Variants in ARID4B observed in about 807,000 individuals in gnomAD.
The protein encoded by ARID4B is AT-rich interactive domain-containing protein 4B.
In ARID4B, 26 loss-of-function variants were observed where a neutral mutation model predicts 147.5. The ratio of observed to expected loss-of-function variants is 0.18; its 90% CI spans 0.13 to 0.24. ARID4B has a LOEUF of 0.24. Among genes scored for constraint, ARID4B ranks in the 10% least tolerant of loss-of-function variants. The pLI is 1.00. For missense variants in ARID4B, 1,179 were observed against 1,511.5 expected (o/e 0.78, Z 3.65); for synonymous variants, 512 against 507.9 (o/e 1.01, Z -0.11).
chr1:235,193,872 G>C (rs546610035), intron 19 of ARID4B, 141 bp downstream of exon 19: 12 of 555,324 alleles, frequency 2.2e-5, no homozygotes. Context: ...TCAGTTAAGA[G>C]ATATTCAACC....
At chr1:235,217,428 A>ACATGCACTCATATACATG (rs1667166485) in intron 16 of ARID4B, among the ~76,000 whole-genome samples, 1 of 149,398 alleles carries the variant, frequency 6.7e-6, no homozygotes, top group Non-Finnish European at 1.5e-5. Flanking sequence ...TCATATACAT[A>ACATGCACTCATATACATG]CATACACTCA....
chr1:235,303,214 C>T (rs889001056), intron 2 of ARID4B, among the ~76,000 whole-genome samples: 2 of 152,192 alleles, frequency 1.3e-5, no homozygotes, highest in Non-Finnish European at 1.5e-5. Flanking sequence ...TGAGCCACCA[C>T]ACCCGGCCAG....
At chr1:235,257,546 A>T (rs1670060730) in intron 3 of ARID4B, among the ~76,000 whole-genome samples, 1 of 151,532 alleles carries the variant, frequency 6.6e-6, no homozygotes. Flanking sequence ...GCAGTAGCGC[A>T]ATCTTGGCTC....
intron 2 of ARID4B, among the ~76,000 whole-genome samples, chr1:235,266,018 G>A (rs950667427): frequency 2.0e-5 from 3 of 152,172 alleles, no homozygotes; most frequent in African/African-American, 7.2e-5. Flanking sequence ...TAGAGCAGAT[G>A]CCAATGTAAT....
At chr1:235,183,961 T>C (rs1664499676) in intron 19 of ARID4B, among the ~76,000 whole-genome samples, 1 of 152,088 alleles carries the variant, frequency 6.6e-6, no homozygotes, top group Non-Finnish European at 1.5e-5. Flanking sequence ...GTATTTTTTG[T>C]AGAGACAGGG....
At chr1:235,324,837 G>A (rs542977529) in intron 2 of ARID4B, among the ~76,000 whole-genome samples, 4 of 152,284 alleles carry the variant, frequency 2.6e-5, no homozygotes, top group Non-Finnish European at 4.4e-5. Flanking sequence ...TGAGGTGGGA[G>A]GATTATTTGA....
intron 2 of ARID4B, among the ~76,000 whole-genome samples, chr1:235,321,436 G>A (rs1674827034): frequency 6.6e-6 from 1 of 152,116 alleles, no homozygotes; most frequent in African/African-American, 2.4e-5. Context: ...TCAAATGACA[G>A]TAACATCTAT....
At position 235,175,219 on chromosome 1, in the gene ARID4B, C is replaced by T. The variant is rs201386389; in HGVS notation, c.3629G>A (p.Arg1210Gln). 24 of 1,614,012 alleles carry T rather than the reference C, an allele frequency of 1.5e-5. No individual in the cohort carries two copies. Among genetic ancestry groups the T allele is most frequent in the East Asian group, 2.2e-5 (1 of 44,892 alleles). ...ACTCCATTTGTAAACTTTGGGTAAT[C>T]GATTACTGGGTTCCTTGAGATCAGG... ...KDPDLKEPSN[R>Q]LPKVYKWSFQ... The change falls in exon 22 of 24, where the codon CGA becomes CAA. Residue 1210 changes from arginine to glutamine, a missense_variant. Coordinates refer to ENST00000264183, the MANE Select transcript of ARID4B (RefSeq NM_016374.6).
chr1:235,242,196 C>G (rs1270094120), intron 7 of ARID4B, among the ~76,000 whole-genome samples: 1 of 151,146 alleles, frequency 6.6e-6, no homozygotes, highest in Non-Finnish European at 1.5e-5. Flanking sequence ...TGCAGTGAGC[C>G]GATATCGCAC....
At chr1:235,168,740 C>A (rs1571877495) in intron 23 of ARID4B, 88 bp from the exon 24 acceptor site, 1 of 1,390,806 alleles carries the variant, frequency 7.2e-7, no homozygotes, top group Admixed American at 2.4e-5. Flanking sequence ...AACTAAAATT[C>A]CGCTATATTG....
chr1:235,248,521 T>C (rs1669444546), intron 6 of ARID4B, among the ~76,000 whole-genome samples: 1 of 152,204 alleles, frequency 6.6e-6, no homozygotes, highest in Admixed American at 6.5e-5. Context: ...AACAGATGGA[T>C]TAAATGTATG....
chr1:235,239,677 C>A (rs1360979071), intron 8 of ARID4B, among the ~76,000 whole-genome samples: 1 of 152,078 alleles, frequency 6.6e-6, no homozygotes, highest in Non-Finnish European at 1.5e-5. Flanking sequence ...GAACTTGGGA[C>A]AATCATGAGG....
chr1:235,176,950 A>C (rs1286008104), intron 21 of ARID4B: 1 of 471,182 alleles, frequency 2.1e-6, no homozygotes. Flanking sequence ...CTTTGTCTAC[A>C]AAAGAGAGAT....
Position 235,194,272 on chromosome 1 carries a change from A to C in ARID4B, c.1927-61T>G, listed in dbSNP as rs577137726. On this transcript the variant is annotated intron_variant, in intron 18 of 23. Transcript: ENST00000264183. ...TAAGGCATTTATCAGAAACAATGTT[A>C]ATGTCCACTTTTAACTCACTATTAC... The C allele has an allele frequency of 2.0e-5, 25 of 1,227,866 alleles. No individual in the cohort carries two copies. The African/African-American group carries it at 3.5e-4, about 17-fold the overall frequency. The allele number at this position is 1,227,866 out of a possible 1,614,324, so 76.1% of individuals were successfully genotyped here.
intron 2 of ARID4B, among the ~76,000 whole-genome samples, chr1:235,285,154 T>A (rs906678593): frequency 5.9e-5 from 9 of 152,182 alleles, no homozygotes; most frequent in Non-Finnish European, 1.3e-4. Context: ...ACTCCTGGAC[T>A]TAAGCCAACC....
chr1:235,246,079 C>G (rs1420610662), intron 7 of ARID4B, among the ~76,000 whole-genome samples: 1 of 151,976 alleles, frequency 6.6e-6, no homozygotes, highest in Admixed American at 6.5e-5. Flanking sequence ...AAGACAGTTA[C>G]CAGGAAGGGA....
intron 2 of ARID4B, among the ~76,000 whole-genome samples, chr1:235,273,783 C>T (rs1216237593): frequency 6.6e-6 from 1 of 152,150 alleles, no homozygotes; most frequent in Non-Finnish European, 1.5e-5. Flanking sequence ...AAATATGGCA[C>T]AGACTACTTT....
chr1:235,290,302 G>GC, intron 2 of ARID4B, among the ~76,000 whole-genome samples: 1 of 151,780 alleles, frequency 6.6e-6, no homozygotes, highest in South Asian at 2.1e-4. Flanking sequence ...ACTTAGCGGG[G>GC]CATGGTGGTG....
intron 2 of ARID4B, among the ~76,000 whole-genome samples, chr1:235,303,274 T>C (rs1673318267): frequency 6.6e-6 from 1 of 152,052 alleles, no homozygotes; most frequent in Admixed American, 6.6e-5. Flanking sequence ...CACCCAAAAT[T>C]TGTATTCCTG....
Sources: allele counts gnomAD v4.1 joint callset (sites outside exome capture counted in the v4.1 genomes callset), GRCh38; gene constraint gnomAD v4.1.1; transcripts MANE v1.5; gene names NCBI Gene and HGNC (gene_info 2026-07-23, HGNC 2026-07-21).